Variants in CAMK4 observed in about 807,000 individuals in gnomAD.
CAMK4 encodes the protein calcium/calmodulin dependent protein kinase IV.
In CAMK4, 22 loss-of-function variants were observed where a neutral mutation model predicts 44.9. The observed-to-expected ratio is 0.49, with a 90% CI of 0.35 to 0.70. The LOEUF (loss-of-function observed/expected upper bound fraction) is 0.70, where lower values mean the gene tolerates loss of function less well. Among genes scored for constraint, CAMK4 ranks in the 30% least tolerant of loss-of-function variants. The probability of loss-of-function intolerance (pLI) is 0.01; values close to 1 mark genes in which losing one functional copy is unlikely to be tolerated. For synonymous variants in CAMK4, 218 were observed against 215.4 expected (o/e 1.01, Z -0.11); for missense variants, 498 against 586.8 (o/e 0.85, Z 1.56).
At chr5:111,293,742 CTTTTTTTTTTTT>C (rs35117453) in intron 1 of CAMK4, among the ~76,000 whole-genome samples, 1 of 83,538 alleles carries the variant, frequency 1.2e-5, no homozygotes, top group Non-Finnish European at 2.2e-5. Flanking sequence ...TGCTGCTCTA[CTTTTTTTTTTTT>C]TTTTTTTTTT....
chr5:111,344,155 A>G, intron 2 of CAMK4, 53 bp downstream of exon 2: 1 of 1,058,284 alleles, frequency 9.4e-7, no homozygotes, highest in Non-Finnish European at 1.5e-6. Context: ...GACCTGGAGA[A>G]GGCAGGAACC....
At chr5:111,429,680 G>A (rs886710745) in intron 5 of CAMK4, among the ~76,000 whole-genome samples, 2 of 150,012 alleles carry the variant, frequency 1.3e-5, no homozygotes, top group African/African-American at 2.5e-5. Context: ...GGAGGCTGAG[G>A]TGGGAGGATT....
intron 2 of CAMK4, among the ~76,000 whole-genome samples, chr5:111,349,143 A>G (rs1268887647): frequency 1.3e-5 from 2 of 151,892 alleles, no homozygotes; most frequent in African/African-American, 4.8e-5. Flanking sequence ...TGTACTGAAG[A>G]AGTCATCAAT....
Position 111,484,153 on chromosome 5 carries a change from A to G in CAMK4, c.1109A>G (p.Lys370Arg). Residue 370 changes from lysine (K) to arginine (R), a missense_variant, in exon 11 of 11, where the codon AAA becomes AGA. Physicochemically the swap from Lys to Arg is conservative, Grantham distance 26. This residue lies in a region of CAMK4 where 143 missense variants were observed against 144.9 expected (regional missense o/e 0.99). Transcript: ENST00000282356. The surrounding 1 kb of genome is among the most constrained non-coding windows in gnomAD (Gnocchi z 5.3). ...ATCCAAGATGGCAACGAGGACATGA[A>G]AGCTATTCCAGAAGGAGAGAAAATT... ...SPIQDGNEDMKAIPEGEKIQG... is the reference protein window; with the variant it reads ...SPIQDGNEDMRAIPEGEKIQG... 1 of 1,614,192 alleles carries G rather than the reference A, an allele frequency of 6.2e-7. No individual in the cohort carries two copies. The highest frequency in any genetic ancestry group is 8.5e-7 in the Non-Finnish European group (1 of 1,180,016).
At chr5:111,315,689 G>A (rs1204779389) in intron 1 of CAMK4, among the ~76,000 whole-genome samples, 1 of 151,986 alleles carries the variant, frequency 6.6e-6, no homozygotes, top group East Asian at 1.9e-4. Context: ...CCCAATGTGC[G>A]TAGGAGGAGC....
chr5:111,357,444 G>A lies in CAMK4; in HGVS notation c.240+13342G>A, dbSNP rs188910252. ...TTCATACCTTAGTGAGAAGGGGAAAGCTATCATCTTAGAGTTAACAGGGAA... is the reference window on the plus strand; with the variant it reads ...TTCATACCTTAGTGAGAAGGGGAAAACTATCATCTTAGAGTTAACAGGGAA... On this transcript the variant is annotated intron_variant, in intron 2 of 10. Coordinates refer to ENST00000282356, the MANE Select transcript of CAMK4 (RefSeq NM_001744.6). Among the ~76,000 whole-genome samples the A allele has an allele frequency of 1.2e-4, 19 of 152,198 alleles. No homozygotes were observed. The East Asian group carries it at 3.3e-3, about 26-fold the overall frequency.
At chr5:111,424,716 G>C (rs1580734579) in intron 5 of CAMK4, among the ~76,000 whole-genome samples, 1 of 151,576 alleles carries the variant, frequency 6.6e-6, no homozygotes, top group South Asian at 2.1e-4. Context: ...CAAAGTGCTG[G>C]GATTACAGGC....
intron 7 of CAMK4, among the ~76,000 whole-genome samples, chr5:111,470,944 C>A (rs1755041717): frequency 6.6e-6 from 1 of 152,170 alleles, no homozygotes; most frequent in African/African-American, 2.4e-5. Context: ...GGCAAAATGC[C>A]TTGAGCATCC....
chr5:111,377,735 A>T (rs554361060), intron 4 of CAMK4, among the ~76,000 whole-genome samples: 22 of 152,150 alleles, frequency 1.4e-4, no homozygotes, highest in Non-Finnish European at 2.9e-4. Flanking sequence ...GAGACTAAGT[A>T]GGCATATATT....
chr5:111,239,854 G>A (rs1007650598), intron 1 of CAMK4, among the ~76,000 whole-genome samples: 1 of 152,208 alleles, frequency 6.6e-6, no homozygotes, highest in Non-Finnish European at 1.5e-5. Flanking sequence ...GTTGGCAGGA[G>A]GCCTTAGTAA....
intron 1 of CAMK4, among the ~76,000 whole-genome samples, chr5:111,257,312 AC>A (rs1439771794): frequency 2.0e-5 from 3 of 152,152 alleles, no homozygotes; most frequent in Admixed American, 6.6e-5. Context: ...CAAGAAAAAA[AC>A]AACCCCATTA....
chr5:111,480,073 C>G (rs905443197), intron 9 of CAMK4, among the ~76,000 whole-genome samples: 1 of 152,044 alleles, frequency 6.6e-6, no homozygotes, highest in Non-Finnish European at 1.5e-5. Flanking sequence ...CTGGGGCCTG[C>G]CACTCTCTCC....
intron 5 of CAMK4, among the ~76,000 whole-genome samples, chr5:111,423,450 A>G (rs982166254): frequency 6.6e-6 from 1 of 152,212 alleles, no homozygotes; most frequent in African/African-American, 2.4e-5. Context: ...ATACATTTCT[A>G]TGAATAACAT....
In CAMK4 at chr5:111,492,472, T is replaced by G. The variant is rs1755884458; in HGVS notation, c.*8006T>G. On this transcript the variant is annotated 3_prime_UTR_variant, in exon 11 of 11. Transcript: ENST00000282356. ...GAGTGAGGGGAAAGATAACAAAATGTAGATTAGGATTCCACATTCTCCCCT... is the reference window on the plus strand; with the variant it reads ...GAGTGAGGGGAAAGATAACAAAATGGAGATTAGGATTCCACATTCTCCCCT... The G allele has an allele frequency of 6.6e-6, 1 of 152,188 alleles. No homozygotes were observed. The highest frequency in any genetic ancestry group is 2.4e-5 in the African/African-American group (1 of 41,454). 9.4% of individuals were successfully genotyped at this position (152,188 alleles called of 1,614,324 possible).
chr5:111,441,367 C>T (rs1753817016), intron 5 of CAMK4, among the ~76,000 whole-genome samples: 1 of 152,124 alleles, frequency 6.6e-6, no homozygotes, highest in Non-Finnish European at 1.5e-5. Flanking sequence ...AAATATGAGC[C>T]AATAAATTAA....
chr5:111,475,696 C>T (rs1158236748), intron 8 of CAMK4, among the ~76,000 whole-genome samples: 1 of 152,214 alleles, frequency 6.6e-6, no homozygotes, highest in Admixed American at 6.5e-5. Context: ...TTTTGGCTAA[C>T]TTCTGTCAGG....
intron 6 of CAMK4, among the ~76,000 whole-genome samples, chr5:111,448,530 G>A (rs1754108440): frequency 2.6e-5 from 4 of 152,224 alleles, no homozygotes; most frequent in Admixed American, 2.6e-4. Context: ...TAGCTTGGCT[G>A]GGCGCGGGGG....
rs866699526 is a variant in CAMK4 at position 111,321,434 on chromosome 5, C to T, written c.162-22590C>T. Among the ~76,000 whole-genome samples the T allele has an allele frequency of 2.0e-5, 3 of 152,198 alleles. No homozygotes were observed. The South Asian group carries it at 6.2e-4, about 31-fold the overall frequency. The stretch of plus-strand genomic sequence containing the variant: ...AGCCACCAACCTTGCCTCTGCTAAG[C>T]CTCTTGTTGAAGGAGTAATTTTCTG... On this transcript the variant is annotated intron_variant, in intron 1 of 10. Transcript: ENST00000282356.
intron 1 of CAMK4, among the ~76,000 whole-genome samples, chr5:111,253,849 CATT>C (rs887138803): frequency 1.3e-5 from 2 of 152,300 alleles, no homozygotes. Context: ...ATAAGACTGT[CATT>C]ATCAGCTTCA....
Sources: allele counts gnomAD v4.1 joint callset (sites outside exome capture counted in the v4.1 genomes callset), GRCh38; gene constraint gnomAD v4.1.1; regional missense constraint gnomAD v4.1.1; non-coding constraint Gnocchi (gnomAD v3.1); transcripts MANE v1.5; gene names NCBI Gene and HGNC (gene_info 2026-07-23, HGNC 2026-07-21).